The following AGMO variants were observed in gnomAD, a reference collection of about 807,000 sequenced individuals.
The protein encoded by AGMO is glyceryl-ether monooxygenase.
A neutral mutation model predicts 60.2 loss-of-function variants in AGMO; 75 were observed. That is an observed-to-expected ratio of 1.25 (90% CI 1.03 to 1.51). AGMO has a LOEUF of 1.51. Among genes scored for constraint, AGMO ranks in the 40% most tolerant of loss-of-function variants. The pLI is 0.00. For missense variants in AGMO, 763 were observed against 525.5 expected, an observed-to-expected ratio of 1.45 and a Z score of -4.42; for synonymous variants, 261 against 177.1, an observed-to-expected ratio of 1.47 and a Z score of -3.76.
intron 12 of AGMO, among the ~76,000 whole-genome samples, chr7:15,230,916 A>G (rs1782241037): frequency 6.6e-6 from 1 of 152,136 alleles, no homozygotes; most frequent in South Asian, 2.1e-4. Flanking sequence ...GAACGAGGGA[A>G]GTCATCACTT....
At chr7:15,121,418 A>T in the AGMO span, among the ~76,000 whole-genome samples, 1 of 152,126 alleles carries the variant, frequency 6.6e-6, no homozygotes, top group Non-Finnish European at 1.5e-5. Flanking sequence ...CAATGGTTGA[A>T]CTAATTTACA....
intron 3 of AGMO, among the ~76,000 whole-genome samples, chr7:15,435,128 C>T (rs915658172): frequency 1.3e-4 from 20 of 151,884 alleles, no homozygotes; most frequent in Non-Finnish European, 2.2e-4. Flanking sequence ...AGTTGAAGAA[C>T]ATTTCAGTTG....
intron 8 of AGMO, among the ~76,000 whole-genome samples, chr7:15,390,376 G>C (rs1784085972): frequency 1.3e-5 from 2 of 152,120 alleles, no homozygotes; most frequent in Non-Finnish European, 2.9e-5. Context: ...TGCTCCTACT[G>C]AATACATGAA....
chr7:15,138,375 G>A, the AGMO span, among the ~76,000 whole-genome samples: 1 of 152,164 alleles, frequency 6.6e-6, no homozygotes, highest in Non-Finnish European at 1.5e-5. Flanking sequence ...TAAGCACAAA[G>A]CATGTAATGT....
intron 12 of AGMO, among the ~76,000 whole-genome samples, chr7:15,232,262 T>C (rs60693036): frequency 9.8e-5 from 15 of 152,286 alleles, no homozygotes; most frequent in East Asian, 7.7e-4. Context: ...TTACAAGACA[T>C]GGGAAGTGGA....
intron 12 of AGMO, among the ~76,000 whole-genome samples, chr7:15,227,568 C>A (rs1162779824): frequency 3.3e-5 from 5 of 150,428 alleles, no homozygotes; most frequent in African/African-American, 1.2e-4. Context: ...TTATAAAATA[C>A]AACTGGCTAA....
intron 12 of AGMO, among the ~76,000 whole-genome samples, chr7:15,242,162 C>A (rs961198560): frequency 3.9e-5 from 6 of 152,100 alleles, no homozygotes; most frequent in African/African-American, 1.4e-4. Context: ...TTAGTTTCAT[C>A]TTTGTCATAC....
intron 5 of AGMO, among the ~76,000 whole-genome samples, chr7:15,395,058 A>C (rs552649532): frequency 6.6e-6 from 1 of 152,314 alleles, no homozygotes; most frequent in East Asian, 1.9e-4. Context: ...AATACTGGAC[A>C]ATTTGAGATC....
At chr7:15,139,909 A>G in the AGMO span, among the ~76,000 whole-genome samples, 11 of 150,722 alleles carry the variant, frequency 7.3e-5, no homozygotes, top group Non-Finnish European at 1.6e-4. Context: ...CCAACTATAT[A>G]TAAATACAAT....
chr7:15,352,701 T>C (rs1351880167), intron 12 of AGMO, among the ~76,000 whole-genome samples: 6 of 151,696 alleles, frequency 4.0e-5, no homozygotes, highest in African/African-American at 1.5e-4. Flanking sequence ...CATGTACTAG[T>C]GGAAACCACG....
chr7:15,492,153 T>A (rs1394182956), intron 3 of AGMO, among the ~76,000 whole-genome samples: 4 of 152,138 alleles, frequency 2.6e-5, no homozygotes, highest in African/African-American at 9.7e-5. Flanking sequence ...GAGATATGTT[T>A]TTTAATTGTG....
intron 12 of AGMO, among the ~76,000 whole-genome samples, chr7:15,322,527 A>AAT (rs1185191567): frequency 0.016 from 879 of 54,774 alleles, 20 homozygotes; most frequent in East Asian, 0.028. Context: ...AATATATATA[A>AAT]ATATATAAAT....
intron 12 of AGMO, among the ~76,000 whole-genome samples, chr7:15,309,658 T>A (rs1360834077): frequency 2.0e-5 from 3 of 152,280 alleles, no homozygotes; most frequent in East Asian, 3.9e-4. Flanking sequence ...TATATATGTA[T>A]GTGTAGATTT....
chr7:15,388,925 G>C (rs928313073), intron 8 of AGMO, among the ~76,000 whole-genome samples: 9 of 152,162 alleles, frequency 5.9e-5, no homozygotes, highest in Admixed American at 1.3e-4. Flanking sequence ...ATGTGAGGGG[G>C]AAAGACCTAG....
chr7:15,269,731 A>G (rs1783539920), intron 12 of AGMO, among the ~76,000 whole-genome samples: 1 of 152,012 alleles, frequency 6.6e-6, no homozygotes, highest in African/African-American at 2.4e-5. Context: ...AACGAAACCA[A>G]TAGGTAAGGC....
chr7:15,169,732 G>A, the AGMO span, among the ~76,000 whole-genome samples: 1 of 152,076 alleles, frequency 6.6e-6, no homozygotes, highest in African/African-American at 2.4e-5. Flanking sequence ...ACACCACACT[G>A]GCCAACTGGT....
At chr7:15,455,927 A>C (rs1326106816) in intron 3 of AGMO, among the ~76,000 whole-genome samples, 3 of 152,106 alleles carry the variant, frequency 2.0e-5, no homozygotes, top group Non-Finnish European at 4.4e-5. Flanking sequence ...GGCATGCTAA[A>C]TTTGAAAACT....
intron 12 of AGMO, among the ~76,000 whole-genome samples, chr7:15,260,154 A>C (rs1289826838): frequency 6.6e-6 from 1 of 151,370 alleles, no homozygotes; most frequent in Non-Finnish European, 1.5e-5. Flanking sequence ...CAGAATGGAT[A>C]AGAATTCACC....
Position 15,357,190 on chromosome 7 carries a change from CGTGTGTGTGTGTGT to C in AGMO, c.1263+8310_1263+8323del, listed in dbSNP as rs36124819. ...AAAATTGCTCTATACTATGAATATT[CGTGTGTGTGTGTGT>C]GTGTGTGTGTGTGTGTGTGTGTGTT... On this transcript the variant is annotated intron_variant, in intron 12 of 12. Transcript: ENST00000342526. Among the ~76,000 whole-genome samples, 995 of 144,454 alleles carry C rather than the reference CGTGTGTGTGTGTGT, an allele frequency of 6.9e-3. 12 individuals carry two copies. The highest frequency in any genetic ancestry group is 0.023 in the African/African-American group (903 of 39,300). 94.8% of individuals were successfully genotyped at this position (144,454 alleles called of 152,430 possible).
Sources: gnomAD v4.1 joint callset for allele counts (sites outside exome capture counted in the v4.1 genomes callset) on GRCh38, gnomAD v4.1.1 for gene constraint, MANE v1.5 for transcripts, NCBI Gene and HGNC (gene_info 2026-07-23, HGNC 2026-07-21) for gene names.